Variants in TUBA1C observed in about 807,000 individuals in gnomAD.
The protein encoded by TUBA1C is tubulin alpha 1c, also known as tubulin alpha-1C chain.
TUBA1C carries 16 observed loss-of-function variants against 34.9 expected under a neutral mutation model. The ratio of observed to expected loss-of-function variants is 0.46; its 90% CI spans 0.31 to 0.70. The LOEUF (loss-of-function observed/expected upper bound fraction) is 0.70, where lower values mean the gene tolerates loss of function less well. Among genes scored for constraint, TUBA1C ranks in the 30% least tolerant of loss-of-function variants. TUBA1C has a pLI of 0.05. For missense variants in TUBA1C, 329 were observed against 587.3 expected (o/e 0.56, Z 4.55); for synonymous variants, 177 against 215.9 (o/e 0.82, Z 1.58).
At chr12:49,251,545 T>C (rs1942732607) in intron 1 of TUBA1C, among the ~76,000 whole-genome samples, 1 of 152,092 alleles carries the variant, frequency 6.6e-6, no homozygotes, top group Admixed American at 6.6e-5. Flanking sequence ...GAGGCCGAGA[T>C]GGATGGGTCA....
intron 1 of TUBA1C, among the ~76,000 whole-genome samples, chr12:49,232,294 G>C (rs540707199): frequency 6.6e-6 from 1 of 152,276 alleles, no homozygotes; most frequent in South Asian, 2.1e-4. Context: ...TGTCCACCTT[G>C]TCCTTCTCAG....
intron 1 of TUBA1C, among the ~76,000 whole-genome samples, chr12:49,248,929 A>G (rs1942704966): frequency 6.6e-6 from 1 of 151,854 alleles, no homozygotes; most frequent in Non-Finnish European, 1.5e-5. Flanking sequence ...GGAAATCCCT[A>G]TGTATTTGGA....
intron 1 of TUBA1C, among the ~76,000 whole-genome samples, chr12:49,235,115 CAAA>C (rs550520599): frequency 4.2e-4 from 35 of 84,112 alleles, no homozygotes; most frequent in Non-Finnish European, 7.3e-4. Context: ...TGCGCCCGGC[CAAA>C]AAAAAAAAAA....
At chr12:49,237,115 A>G (rs1266335981) in intron 1 of TUBA1C, among the ~76,000 whole-genome samples, 2 of 152,152 alleles carry the variant, frequency 1.3e-5, no homozygotes, top group Non-Finnish European at 2.9e-5. Flanking sequence ...ACAAAACGAG[A>G]TGAGAAATAA....
rs567880656 is a variant in TUBA1C at position 49,235,732 on chromosome 12, C to CAAAAA, written c.213+7581_213+7585dup. On this transcript the variant is annotated intron_variant, in intron 1 of 3. Coordinates refer to the TUBA1C transcript ENST00000541364. ...TGGGTGACAGGGTGAGACTCGGTCT[C>CAAAAA]AAAAAAAAAAAAAAAAAAATCTTAC... Among the ~76,000 whole-genome samples the CAAAAA allele has an allele frequency of 9.4e-4, 63 of 67,264 alleles. 1 individual carries two copies. Among genetic ancestry groups the CAAAAA allele is most frequent in the African/African-American group, 2.9e-3 (59 of 20,038 alleles). The allele number at this position is 67,264 out of a possible 152,430, so 44.1% of individuals were successfully genotyped here.
intron 1 of TUBA1C, among the ~76,000 whole-genome samples, chr12:49,228,326 C>A (rs959848191): frequency 1.6e-4 from 25 of 152,130 alleles, no homozygotes; most frequent in African/African-American, 5.8e-4. Flanking sequence ...TTTCTGCAAT[C>A]CTTTTTATTA....
chr12:49,270,226 C>T (rs1942973304), intron 3 of TUBA1C: 1 of 674,018 alleles, frequency 1.5e-6, no homozygotes, highest in Non-Finnish European at 2.5e-6. Context: ...TCATCTTAGT[C>T]ATACTGAGTG....
At chr12:49,270,113 T>C in intron 3 of TUBA1C, 137 bp downstream of exon 3, 1 of 1,533,762 alleles carries the variant, frequency 6.5e-7, no homozygotes, top group Non-Finnish European at 9.0e-7. Flanking sequence ...CTAAATTAAT[T>C]GGATTTCTGA....
At chr12:49,230,475 C>T (rs1177012908) in intron 1 of TUBA1C, among the ~76,000 whole-genome samples, 3 of 152,150 alleles carry the variant, frequency 2.0e-5, no homozygotes, top group Admixed American at 2.0e-4. Context: ...TTACCTTTTT[C>T]TTGAGCCCAG....
chr12:49,250,995 T>C (rs1346089616), intron 1 of TUBA1C, among the ~76,000 whole-genome samples: 2 of 152,132 alleles, frequency 1.3e-5, no homozygotes, highest in African/African-American at 4.8e-5. Context: ...TCACTTGAGG[T>C]CGGGAGTTCA....
At chr12:49,266,966 G>A (rs1233610135) in intron 1 of TUBA1C, among the ~76,000 whole-genome samples, 2 of 152,220 alleles carry the variant, frequency 1.3e-5, no homozygotes, top group Admixed American at 1.3e-4. Flanking sequence ...ACAAAGTAGT[G>A]AGACCCTTTA....
At chr12:49,232,434 G>A (rs571216576) in intron 1 of TUBA1C, among the ~76,000 whole-genome samples, 3 of 152,210 alleles carry the variant, frequency 2.0e-5, no homozygotes, top group East Asian at 1.9e-4. Context: ...TGTGGATTTC[G>A]GTTTAAGAAT....
intron 1 of TUBA1C, chr12:49,232,913 GAC>G (rs985306390): frequency 1.3e-5 from 2 of 152,152 alleles, no homozygotes; most frequent in African/African-American, 4.8e-5. Flanking sequence ...AAAATAGTTT[GAC>G]CCTGCATTTC....
At chr12:49,249,799 G>A (rs142329469) in intron 1 of TUBA1C, among the ~76,000 whole-genome samples, 322 of 152,180 alleles carry the variant, frequency 2.1e-3, no homozygotes, top group Middle Eastern at 0.014. Flanking sequence ...CTGAGAGGTT[G>A]AGGCTGCAGT....
chr12:49,253,878 G>A (rs1250933622), intron 1 of TUBA1C, among the ~76,000 whole-genome samples: 2 of 152,130 alleles, frequency 1.3e-5, no homozygotes, highest in Admixed American at 1.3e-4. Flanking sequence ...AGAAAGTGAA[G>A]GGTCAAGAAA....
At chr12:49,270,064 ATGAG>A (rs1353600490) in intron 3 of TUBA1C, 88 bp downstream of exon 3, 1 of 1,610,614 alleles carries the variant, frequency 6.2e-7, no homozygotes, top group Non-Finnish European at 8.5e-7. Context: ...TGCAACTAAA[ATGAG>A]ACTATTTGCA....
intron 1 of TUBA1C, among the ~76,000 whole-genome samples, chr12:49,259,666 C>A (rs1942823046): frequency 6.6e-6 from 1 of 152,210 alleles, no homozygotes; most frequent in Non-Finnish European, 1.5e-5. Flanking sequence ...GCCTAGGATG[C>A]ATTTCTTAGA....
chr12:49,233,153 C>T (rs1358265493), intron 1 of TUBA1C: 1 of 152,298 alleles, frequency 6.6e-6, no homozygotes, highest in Non-Finnish European at 1.5e-5. Flanking sequence ...AAAGCTGTGT[C>T]CTTGCGATTA....
rs11168960 is a variant in TUBA1C at position 49,274,412 on chromosome 12, G to A, written c.*1185G>A. ...CTCCCAAAGTGCTGGGATTACAGGA[G>A]TGAGCCACTACACCTGGCCCCTAGA... On this transcript the variant is annotated 3_prime_UTR_variant, in exon 4 of 4. Coordinates refer to ENST00000301072, the MANE Select transcript of TUBA1C (RefSeq NM_032704.5). 38,353 of 149,318 alleles carry A rather than the reference G, an allele frequency of 0.26. 5,643 individuals carry two copies. The highest frequency in any genetic ancestry group is 0.64 in the East Asian group (3,223 of 5,028). 9.2% of individuals were successfully genotyped at this position (149,318 alleles called of 1,614,324 possible).
Sources: gnomAD v4.1 joint callset for allele counts (sites outside exome capture counted in the v4.1 genomes callset) on GRCh38, gnomAD v4.1.1 for gene constraint, MANE v1.5 for transcripts, NCBI Gene and HGNC (gene_info 2026-07-23, HGNC 2026-07-21) for gene names.